The following C8orf34 variants were observed in gnomAD, a reference collection of about 807,000 sequenced individuals.
C8orf34 encodes uncharacterized protein C8orf34.
C8orf34 carries 65 observed loss-of-function variants against 68.3 expected under a neutral mutation model. The ratio of observed to expected loss-of-function variants is 0.95; its 90% CI spans 0.78 to 1.17. The LOEUF is 1.17. Ranked by LOEUF, C8orf34 falls within the 50% of genes most tolerant of loss-of-function variation. C8orf34 has a pLI of 0.00. For missense variants in C8orf34, 664 were observed against 655.4 expected (o/e 1.01, Z -0.14); for synonymous variants, 244 against 241.2 (o/e 1.01, Z -0.11).
At chr8:68,411,125 T>C (rs1159203918) in intron 1 of C8orf34, among the ~76,000 whole-genome samples, 1 of 152,216 alleles carries the variant, frequency 6.6e-6, no homozygotes, top group African/African-American at 2.4e-5. Context: ...ATACATTTTC[T>C]GTTATTTTAG....
At chr8:68,712,905 TA>T (rs1821365288) in intron 9 of C8orf34, among the ~76,000 whole-genome samples, 1 of 151,988 alleles carries the variant, frequency 6.6e-6, no homozygotes, top group Non-Finnish European at 1.5e-5. Flanking sequence ...TTCCCCAAAA[TA>T]GACCATATGA....
At chr8:68,396,636 C>T (rs868775143) in intron 1 of C8orf34, among the ~76,000 whole-genome samples, 17 of 145,126 alleles carry the variant, frequency 1.2e-4, no homozygotes, top group African/African-American at 3.8e-4. Flanking sequence ...AAGTGGATCC[C>T]TCATGAAGGG....
chr8:68,705,344 T>C (rs147347439), intron 8 of C8orf34, among the ~76,000 whole-genome samples: 318 of 152,120 alleles, frequency 2.1e-3, no homozygotes, highest in African/African-American at 7.4e-3. Flanking sequence ...TGAGGGAAAA[T>C]ATAATATTTA....
At chr8:68,553,309 C>T (rs987002511) in intron 7 of C8orf34, among the ~76,000 whole-genome samples, 12 of 142,620 alleles carry the variant, frequency 8.4e-5, no homozygotes, top group African/African-American at 2.4e-4. Context: ...AGTGTGAACC[C>T]GGGAGGCGGA....
At position 68,407,141 on chromosome 8, in the gene C8orf34, G is replaced by A. The variant is rs1223350722; in HGVS notation, c.328-32358G>A. On this transcript the variant is annotated intron_variant, in intron 1 of 13. Transcript: ENST00000518698. ...CACTTGAAGGACTTACAAAATGTCA[G>A]GTTCTATATTACAATTTTTTTTCTA... Among the ~76,000 whole-genome samples, 4 of 151,826 alleles carry A rather than the reference G, an allele frequency of 2.6e-5. No homozygotes were observed. In the East Asian group the frequency reaches 7.7e-4, roughly 29 times the overall value.
At chr8:68,534,639 G>C (rs1815385659) in intron 7 of C8orf34, 1 of 985,378 alleles carries the variant, frequency 1.0e-6, no homozygotes, top group South Asian at 4.7e-5. Context: ...TCAGCAGGTG[G>C]GGTGTGGTCA....
chr8:68,725,876 T>A (rs1408788127), intron 10 of C8orf34, among the ~76,000 whole-genome samples: 1 of 152,188 alleles, frequency 6.6e-6, no homozygotes, highest in African/African-American at 2.4e-5. Flanking sequence ...TAGGCTATTA[T>A]CAGTAGCCAA....
intron 7 of C8orf34, among the ~76,000 whole-genome samples, chr8:68,633,452 C>T (rs1401870494): frequency 6.6e-6 from 1 of 152,194 alleles, no homozygotes; most frequent in Non-Finnish European, 1.5e-5. Flanking sequence ...ATTCTTCTCT[C>T]ACTTACTAGA....
At position 68,707,369 on chromosome 8, in the gene C8orf34, A is replaced by G. The variant is rs1821196201; in HGVS notation, c.1242-1625A>G. On this transcript the variant is annotated intron_variant, in intron 8 of 13. Transcript: ENST00000518698. ...TAATCCATAGCCATTGGTCTCTTCA[A>G]CTGAGCTATATTAAAGCCTGTCAGG... Among the ~76,000 whole-genome samples, 2 of 152,158 alleles carry G rather than the reference A, an allele frequency of 1.3e-5. 1 individual carries two copies. The highest frequency in any genetic ancestry group is 4.1e-4 in the South Asian group (2 of 4,826).
chr8:68,421,028 T>C (rs1323204888), intron 1 of C8orf34, among the ~76,000 whole-genome samples: 3 of 152,130 alleles, frequency 2.0e-5, no homozygotes, highest in African/African-American at 7.2e-5. Flanking sequence ...TATCCCCAAA[T>C]TGTGAAAGGT....
intron 12 of C8orf34, among the ~76,000 whole-genome samples, chr8:68,803,345 TAATTTTTGAA>T (rs1328690881): frequency 6.6e-6 from 1 of 152,106 alleles, no homozygotes; most frequent in Non-Finnish European, 1.5e-5. Context: ...ATTACCAGAT[TAATTTTTGAA>T]AATTAATCAG....
At position 68,524,295 on chromosome 8, in the gene C8orf34, GA is replaced by G. The variant is rs1490151533; in HGVS notation, c.938+2325del. 2.0e-5 allele frequency among the ~76,000 whole-genome samples: 3 copies of G among 152,100 alleles called. No individual in the cohort carries two copies. In the East Asian group the frequency reaches 5.8e-4, roughly 29 times the overall value. ...GTAGAAGCTTACCCCCTTTTTTAAT[GA>G]TGTACTGTATGTGAACTTCTTTCCC... is the stretch of plus-strand genomic sequence containing the variant. On this transcript the variant is annotated intron_variant, in intron 6 of 13. Coordinates refer to ENST00000518698, the MANE Select transcript of C8orf34 (RefSeq NM_052958.4).
At chr8:68,554,303 T>A (rs2130086373) in intron 7 of C8orf34, among the ~76,000 whole-genome samples, 1 of 152,262 alleles carries the variant, frequency 6.6e-6, no homozygotes, top group East Asian at 1.9e-4. Flanking sequence ...TGGTAGCAGC[T>A]GATCTTCTGT....
At chr8:68,581,607 T>G (rs1462392222) in intron 7 of C8orf34, among the ~76,000 whole-genome samples, 1 of 152,132 alleles carries the variant, frequency 6.6e-6, no homozygotes, top group Non-Finnish European at 1.5e-5. Flanking sequence ...ATTTGTATTT[T>G]TATTTTTGCT....
intron 2 of C8orf34, among the ~76,000 whole-genome samples, chr8:68,440,193 G>T (rs1285561699): frequency 6.6e-6 from 1 of 152,164 alleles, no homozygotes; most frequent in Non-Finnish European, 1.5e-5. Context: ...GAGTAGACTT[G>T]AACTCAATCT....
In C8orf34 at chr8:68,429,447, C is replaced by T. The variant is rs368093192; in HGVS notation, c.328-10052C>T. 4.5e-4 allele frequency among the ~76,000 whole-genome samples: 69 copies of T among 152,158 alleles called. 1 individual carries two copies. The highest frequency in any genetic ancestry group is 1.4e-3 in the African/African-American group (60 of 41,450). On this transcript the variant is annotated intron_variant, in intron 1 of 13. Coordinates refer to ENST00000518698, the MANE Select transcript of C8orf34 (RefSeq NM_052958.4). ...AATGCGGGTGGGAGACAATTGTTTA[C>T]AATCACGTTTATAAAACTATCTGAA... is the stretch of plus-strand genomic sequence containing the variant.
At chr8:68,640,563 A>G (rs1281005883) in intron 8 of C8orf34, 52 bp downstream of exon 8, 25 of 1,534,294 alleles carry the variant, frequency 1.6e-5, no homozygotes, top group Non-Finnish European at 2.0e-5. Flanking sequence ...GATTTTTAAA[A>G]TCTAAGATTT....
chr8:68,575,935 A>G (rs950683171), intron 7 of C8orf34, among the ~76,000 whole-genome samples: 7 of 146,860 alleles, frequency 4.8e-5, no homozygotes, highest in Non-Finnish European at 1.0e-4. Flanking sequence ...TGATGAGCTG[A>G]CATAATGCTA....
intron 7 of C8orf34, among the ~76,000 whole-genome samples, chr8:68,586,814 T>C (rs1350757635): frequency 6.6e-6 from 1 of 152,156 alleles, no homozygotes. Context: ...AATAGGAACA[T>C]GCCACCTAGA....
Sources: gnomAD v4.1 joint callset for allele counts (sites outside exome capture counted in the v4.1 genomes callset) on GRCh38, gnomAD v4.1.1 for gene constraint, MANE v1.5 for transcripts, NCBI Gene and HGNC (gene_info 2026-07-23, HGNC 2026-07-21) for gene names.